The following CAST variants were observed in gnomAD, a reference collection of about 807,000 sequenced individuals.
The protein encoded by CAST is calpastatin.
In CAST, 76 loss-of-function variants were observed where a neutral mutation model predicts 119.6. The observed-to-expected ratio is 0.64, with a 90% CI of 0.53 to 0.77. The LOEUF is 0.77. CAST is among the 30% of genes least tolerant of loss of function. The pLI is 0.00. For missense variants in CAST, 953 were observed against 946.5 expected, an observed-to-expected ratio of 1.01 and a Z score of -0.09; for synonymous variants, 319 against 331.6, an observed-to-expected ratio of 0.96 and a Z score of 0.41.
chr5:96,394,951 C>T, the CAST span: 3 of 1,614,110 alleles, frequency 1.9e-6, no homozygotes, highest in Non-Finnish European at 2.5e-6. Context: ...GCTTCATATG[C>T]TCTGGCTGAG....
chr5:96,554,200 A>G (rs1225021913), intron 1 of CAST, among the ~76,000 whole-genome samples: 1 of 152,240 alleles, frequency 6.6e-6, no homozygotes, highest in Non-Finnish European at 1.5e-5. Flanking sequence ...CTGGTACCAA[A>G]ACAGATATAT....
At chr5:96,226,108 G>A in the CAST span, among the ~76,000 whole-genome samples, 1 of 152,160 alleles carries the variant, frequency 6.6e-6, no homozygotes, top group African/African-American at 2.4e-5. Context: ...GTCAATATGA[G>A]CATTTCCAAA....
the CAST span, among the ~76,000 whole-genome samples, chr5:96,167,069 G>A: frequency 1.1e-4 from 17 of 152,204 alleles, no homozygotes; most frequent in African/African-American, 1.9e-4. Context: ...GCCTGGATAC[G>A]GTTTTGTATG....
At chr5:96,410,542 G>T in the CAST span, among the ~76,000 whole-genome samples, 1 of 151,992 alleles carries the variant, frequency 6.6e-6, no homozygotes, top group African/African-American at 2.4e-5. Context: ...GCTTCTCAAG[G>T]CTGGGTTTAA....
chr5:96,188,545 T>G, the CAST span, among the ~76,000 whole-genome samples: 1 of 152,206 alleles, frequency 6.6e-6, no homozygotes, highest in East Asian at 1.9e-4. Context: ...GATAATTGTC[T>G]ATCCCATTTC....
At chr5:96,102,109 C>T in the CAST span, among the ~76,000 whole-genome samples, 1 of 152,246 alleles carries the variant, frequency 6.6e-6, no homozygotes, top group African/African-American at 2.4e-5. Flanking sequence ...GGGTGGCTGC[C>T]CTCCTCCAGG....
the CAST span, among the ~76,000 whole-genome samples, chr5:96,055,882 A>G: frequency 2.0e-5 from 3 of 152,102 alleles, no homozygotes; most frequent in Admixed American, 6.6e-5. Context: ...TTTGTTGATG[A>G]TAAACTTTTA....
chr5:96,246,527 C>T, the CAST span, among the ~76,000 whole-genome samples: 1 of 152,124 alleles, frequency 6.6e-6, no homozygotes, highest in Non-Finnish European at 1.5e-5. Flanking sequence ...GAATTGTGAA[C>T]GAGCATTCTA....
chr5:96,380,195 G>A, the CAST span, among the ~76,000 whole-genome samples: 1 of 152,052 alleles, frequency 6.6e-6, no homozygotes, highest in Non-Finnish European at 1.5e-5. Context: ...TAGATTGATG[G>A]TACAAAAGCT....
At chr5:96,604,035 G>A (rs1239908874) in intron 1 of CAST, among the ~76,000 whole-genome samples, 1 of 152,096 alleles carries the variant, frequency 6.6e-6, no homozygotes, top group Non-Finnish European at 1.5e-5. Context: ...AAAGTGCTGA[G>A]ATTACAGGCG....
chr5:96,674,006 G>A (rs1750419243), intron 1 of CAST, among the ~76,000 whole-genome samples: 1 of 152,172 alleles, frequency 6.6e-6, no homozygotes, highest in South Asian at 2.1e-4. Flanking sequence ...CTTTTGGCTA[G>A]TTGTTCATAC....
At chr5:96,582,313 G>C (rs942016509) in intron 1 of CAST, among the ~76,000 whole-genome samples, 1 of 152,224 alleles carries the variant, frequency 6.6e-6, no homozygotes, top group Non-Finnish European at 1.5e-5. Flanking sequence ...AGAGGCCACA[G>C]ACTGAAGCTA....
At chr5:96,396,453 C>T in the CAST span, among the ~76,000 whole-genome samples, 7 of 150,664 alleles carry the variant, frequency 4.6e-5, no homozygotes, top group Admixed American at 1.3e-4. Flanking sequence ...TCCAGCTAGT[C>T]GGGAGGCTGA....
the CAST span, among the ~76,000 whole-genome samples, chr5:96,026,080 T>G: frequency 4.6e-5 from 7 of 152,058 alleles, no homozygotes; most frequent in East Asian, 9.7e-4. Flanking sequence ...AAAAAATAAA[T>G]TAAAAAATTA....
At chr5:96,421,993 TAAAAA>T in the CAST span, 4,554 of 354,126 alleles carry the variant, frequency 0.013, no homozygotes, top group East Asian at 0.023. Flanking sequence ...GTGGCAGCAT[TAAAAA>T]AAAAAAAAAA....
the CAST span, among the ~76,000 whole-genome samples, chr5:96,454,411 C>T: frequency 1.3e-5 from 2 of 152,190 alleles, no homozygotes; most frequent in Admixed American, 1.3e-4. Context: ...TTTATTAACA[C>T]AAAAGAGGTG....
At chr5:96,477,302 G>A in the CAST span, among the ~76,000 whole-genome samples, 29 of 128,744 alleles carry the variant, frequency 2.3e-4, no homozygotes, top group Admixed American at 1.4e-3. Context: ...ATGCACGCAC[G>A]CGTGCACACA....
the CAST span, among the ~76,000 whole-genome samples, chr5:96,363,440 C>G: frequency 6.6e-6 from 1 of 152,038 alleles, no homozygotes; most frequent in Admixed American, 6.6e-5. Context: ...TGGCCATTTT[C>G]ACGATATTGA....
chr5:96,563,853 G>T (rs1403492920), intron 1 of CAST, among the ~76,000 whole-genome samples: 6 of 152,146 alleles, frequency 3.9e-5, no homozygotes, highest in African/African-American at 1.4e-4. Flanking sequence ...CTCAGCATCT[G>T]ATCTGATCTG....
Sources: allele counts gnomAD v4.1 joint callset (sites outside exome capture counted in the v4.1 genomes callset), GRCh38; gene constraint gnomAD v4.1.1; transcripts MANE v1.5; gene names NCBI Gene and HGNC (gene_info 2026-07-23, HGNC 2026-07-21).